Variants in SYCP2L observed in about 807,000 individuals in gnomAD.
SYCP2L encodes synaptonemal complex protein 2-like.
Under a neutral mutation model 125.8 loss-of-function variants are expected in SYCP2L, and 98 were observed. That is an observed-to-expected ratio of 0.78 (90% CI 0.66 to 0.92). The LOEUF (loss-of-function observed/expected upper bound fraction) is 0.92. SYCP2L is among the 40% of genes least tolerant of loss of function. SYCP2L has a pLI of 0.00. For synonymous variants in SYCP2L, 317 were observed against 325.4 expected (o/e 0.97, Z 0.28); for missense variants, 842 against 936.4 (o/e 0.90, Z 1.32).
chr6:10,921,214 T>C (rs1412755920), intron 14 of SYCP2L, among the ~76,000 whole-genome samples: 1 of 151,896 alleles, frequency 6.6e-6, no homozygotes, highest in African/African-American at 2.4e-5. Context: ...CATGATCTCA[T>C]TTTTTTTATG....
intron 24 of SYCP2L, 33 bp from the exon 25 acceptor site, chr6:10,956,103 A>G: frequency 6.6e-7 from 1 of 1,525,068 alleles, no homozygotes; most frequent in South Asian, 1.1e-5. Context: ...ACACTTTGTT[A>G]GTTTTATTCC....
chr6:10,950,321 G>A (rs987040382), intron 23 of SYCP2L, among the ~76,000 whole-genome samples: 6 of 151,994 alleles, frequency 3.9e-5, no homozygotes, highest in Non-Finnish European at 5.9e-5. Flanking sequence ...TGAGCGTTCC[G>A]TGCCGTACTT....
chr6:10,915,884 C>T (rs1295255185), intron 14 of SYCP2L, among the ~76,000 whole-genome samples: 1 of 152,114 alleles, frequency 6.6e-6, no homozygotes, highest in Admixed American at 6.5e-5. Context: ...GGAATAATGT[C>T]AGTAGGATTG....
chr6:10,899,631 A>G (rs1482980479), intron 6 of SYCP2L, among the ~76,000 whole-genome samples: 1 of 152,264 alleles, frequency 6.6e-6, no homozygotes, highest in East Asian at 1.9e-4. Context: ...AATTGGAGCC[A>G]TCTTGATATG....
chr6:10,930,005 A>T (rs1034407657), intron 18 of SYCP2L: 1 of 156,918 alleles, frequency 6.4e-6, no homozygotes, highest in Non-Finnish European at 1.4e-5. Context: ...AAATGTAGAG[A>T]GGCTTGTCTT....
intron 10 of SYCP2L, among the ~76,000 whole-genome samples, chr6:10,908,652 C>T (rs758786042): frequency 5.3e-5 from 8 of 152,278 alleles, no homozygotes; most frequent in East Asian, 1.9e-4. Context: ...AAACCTTTCT[C>T]GTCAAAATTC....
chr6:10,942,811 G>A, intron 23 of SYCP2L, 65 bp downstream of exon 23: 1 of 1,428,788 alleles, frequency 7.0e-7, no homozygotes, highest in Non-Finnish European at 9.5e-7. Flanking sequence ...GATTTTGGCA[G>A]ACTGGGCTGT....
intron 14 of SYCP2L, among the ~76,000 whole-genome samples, chr6:10,920,418 T>A (rs1780774969): frequency 6.6e-6 from 1 of 152,186 alleles, no homozygotes; most frequent in Non-Finnish European, 1.5e-5. Context: ...GGTTTTGCCA[T>A]GTTGGCCAGG....
Position 10,954,470 on chromosome 6 carries a change from AAGG to A in SYCP2L, c.1955-640_1955-638del, listed in dbSNP as rs1207573832. On this transcript the variant is annotated intron_variant, in intron 23 of 29. Coordinates refer to ENST00000283141, the MANE Select transcript of SYCP2L (RefSeq NM_001040274.3). The surrounding 1 kb of genome is among the most constrained non-coding windows in gnomAD (Gnocchi z 4.8). The stretch of plus-strand genomic sequence containing the variant: ...TGGAGGAGAAGCGGGCAGCAAAGAA[AAGG>A]AGGAGTTGAGCATAAAGCCAGGGCT... Among the ~76,000 whole-genome samples, 2 of 152,160 alleles carry A rather than the reference AAGG, an allele frequency of 1.3e-5. No individual in the cohort carries two copies. Among genetic ancestry groups the A allele is most frequent in the African/African-American group, 4.8e-5 (2 of 41,444 alleles).
At position 10,887,059 on chromosome 6, in the gene SYCP2L, C is replaced by T; in HGVS notation, c.-68C>T. On this transcript the variant is annotated 5_prime_UTR_variant, in exon 1 of 30. Transcript: ENST00000283141. ...CGGGCGGGGCTCTTGGGCGGGGAAG[C>T]AGGAGAGGGCCGACCGAGCGCAACA... is the stretch of plus-strand genomic sequence containing the variant. 3.7e-6 allele frequency: 6 copies of T among 1,607,598 alleles called. No homozygotes were observed. Among genetic ancestry groups the T allele is most frequent in the Non-Finnish European group, 5.1e-6 (6 of 1,175,400 alleles).
chr6:10,923,235 T>TA (rs1307742898), intron 14 of SYCP2L, among the ~76,000 whole-genome samples: 1 of 152,148 alleles, frequency 6.6e-6, no homozygotes, highest in African/African-American at 2.4e-5. Flanking sequence ...TCTTCCGACT[T>TA]ACCTTGTACT....
At chr6:10,927,079 C>T (rs921554450) in intron 16 of SYCP2L, among the ~76,000 whole-genome samples, 161 bp from the exon 17 acceptor site, 2 of 152,208 alleles carry the variant, frequency 1.3e-5, no homozygotes, top group African/African-American at 4.8e-5. Flanking sequence ...ACATGCCAGC[C>T]TGTACCCATA....
chr6:10,952,118 A>T (rs1416992180), intron 23 of SYCP2L, among the ~76,000 whole-genome samples: 1 of 152,206 alleles, frequency 6.6e-6, no homozygotes, highest in Non-Finnish European at 1.5e-5. Flanking sequence ...CTGTGTATGT[A>T]GTTTTAACTC....
chr6:10,922,031 T>G (rs1486255155), intron 14 of SYCP2L, among the ~76,000 whole-genome samples: 1 of 151,972 alleles, frequency 6.6e-6, no homozygotes, highest in Non-Finnish European at 1.5e-5. Context: ...TTTTTGTTTG[T>G]TTGTTTGTTT....
chr6:10,906,678 G>A (rs9393764), intron 9 of SYCP2L, among the ~76,000 whole-genome samples: 49,400 of 150,674 alleles, frequency 0.33, 8,216 homozygotes, highest in Middle Eastern at 0.46. Context: ...GCTCACTGCA[G>A]CCTCCGCCTC....
chr6:10,932,979 C>A (rs1485567706), intron 20 of SYCP2L, among the ~76,000 whole-genome samples: 4 of 152,214 alleles, frequency 2.6e-5, no homozygotes, highest in African/African-American at 9.6e-5. Flanking sequence ...GTTTCGAACT[C>A]CTGATCTCAA....
chr6:10,950,372 T>G (rs183270478), intron 23 of SYCP2L, among the ~76,000 whole-genome samples: 1 of 152,318 alleles, frequency 6.6e-6, no homozygotes, highest in East Asian at 1.9e-4. Context: ...TTTTTTTAAT[T>G]CGTAAAATGT....
intron 26 of SYCP2L, among the ~76,000 whole-genome samples, chr6:10,959,637 A>G (rs929087058): frequency 1.3e-5 from 2 of 152,182 alleles, no homozygotes; most frequent in African/African-American, 4.8e-5. Context: ...TGGGAGGCTG[A>G]GGTGGGTGGA....
In SYCP2L at chr6:10,898,118, A is replaced by G. The variant is rs1780290992; in HGVS notation, c.441+3A>G. 6.2e-7 allele frequency: 1 copy of G among 1,605,628 alleles called. No individual in the cohort carries two copies. The highest frequency in any genetic ancestry group is 8.5e-7 in the Non-Finnish European group (1 of 1,172,444). On this transcript the variant is annotated splice_donor_region_variant and intron_variant, in intron 5 of 29. Transcript: ENST00000283141. ...AAGATTTCTTTGACACTGCATTGGT[A>G]AGGATGGGATGGATGCTTCACTGAG... is the stretch of plus-strand genomic sequence containing the variant.
Sources: allele counts gnomAD v4.1 joint callset (sites outside exome capture counted in the v4.1 genomes callset), GRCh38; gene constraint gnomAD v4.1.1; non-coding constraint Gnocchi (gnomAD v3.1); transcripts MANE v1.5; gene names NCBI Gene and HGNC (gene_info 2026-07-23, HGNC 2026-07-21).